The following LRRTM4 variants were observed in gnomAD, a reference collection of about 807,000 sequenced individuals.
LRRTM4 encodes leucine rich repeat transmembrane neuronal 4.
A neutral mutation model predicts 47.6 loss-of-function variants in LRRTM4; 25 were observed. The ratio of observed to expected loss-of-function variants is 0.53; its 90% CI spans 0.38 to 0.73. The LOEUF (loss-of-function observed/expected upper bound fraction) is 0.73, where lower values mean the gene tolerates loss of function less well. Ranked by LOEUF, LRRTM4 falls within the 30% of genes least tolerant of loss-of-function variation. LRRTM4 has a pLI of 0.00. For missense variants in LRRTM4, 638 were observed against 713.4 expected (o/e 0.89, Z 1.20); for synonymous variants, 311 against 269.5 (o/e 1.15, Z -1.51).
chr2:77,335,146 G>A (rs1671114970), intron 3 of LRRTM4, among the ~76,000 whole-genome samples: 1 of 152,038 alleles, frequency 6.6e-6, no homozygotes, highest in Admixed American at 6.6e-5. Flanking sequence ...TTTTGTTATA[G>A]AATCTACCAA....
At chr2:77,216,966 G>A (rs1352533571) in intron 3 of LRRTM4, among the ~76,000 whole-genome samples, 2 of 151,622 alleles carry the variant, frequency 1.3e-5, no homozygotes, top group African/African-American at 4.8e-5. Flanking sequence ...CCAGCTACTC[G>A]GGAGGCTGAG....
intron 3 of LRRTM4, among the ~76,000 whole-genome samples, chr2:77,289,278 G>GT (rs932924660): frequency 1.3e-5 from 2 of 151,872 alleles, no homozygotes; most frequent in Non-Finnish European, 2.9e-5. Context: ...CAGAATAGAG[G>GT]TTTTTTATTT....
At chr2:77,274,770 A>G (rs1460185512) in intron 3 of LRRTM4, among the ~76,000 whole-genome samples, 1 of 152,190 alleles carries the variant, frequency 6.6e-6, no homozygotes, top group Non-Finnish European at 1.5e-5. Flanking sequence ...AGACAGAGAT[A>G]AAAGGAACCA....
intron 3 of LRRTM4, among the ~76,000 whole-genome samples, chr2:77,506,797 C>T (rs567860205): frequency 6.6e-5 from 10 of 151,870 alleles, no homozygotes; most frequent in South Asian, 2.1e-4. Context: ...AATGAACCAT[C>T]GCAAATGTCC....
intron 3 of LRRTM4, among the ~76,000 whole-genome samples, chr2:77,035,566 C>T (rs1384020828): frequency 3.3e-5 from 5 of 151,250 alleles, no homozygotes; most frequent in Admixed American, 1.3e-4. Context: ...TAACATAAAC[C>T]CAAGAAACAA....
At chr2:76,840,295 G>A (rs1044790843) in intron 3 of LRRTM4, among the ~76,000 whole-genome samples, 1 of 152,182 alleles carries the variant, frequency 6.6e-6, no homozygotes, top group Non-Finnish European at 1.5e-5. Flanking sequence ...AGTTTCAAAT[G>A]TATCTCCACA....
At chr2:76,857,528 C>T (rs1278702687) in intron 3 of LRRTM4, among the ~76,000 whole-genome samples, 2 of 151,834 alleles carry the variant, frequency 1.3e-5, no homozygotes, top group Non-Finnish European at 2.9e-5. Context: ...AGGGAATTGA[C>T]AACACTAACC....
chr2:76,754,399 T>C (rs1320543140), intron 3 of LRRTM4, among the ~76,000 whole-genome samples: 1 of 152,050 alleles, frequency 6.6e-6, no homozygotes, highest in Non-Finnish European at 1.5e-5. Context: ...TTTAATTGGC[T>C]CATAGAATAC....
At chr2:77,007,897 CT>C (rs1322479313) in intron 3 of LRRTM4, among the ~76,000 whole-genome samples, 1 of 152,130 alleles carries the variant, frequency 6.6e-6, no homozygotes. Context: ...TGATTTTGTC[CT>C]ATATCCAAGA....
chr2:77,345,851 TAC>T (rs1491315620), intron 3 of LRRTM4, among the ~76,000 whole-genome samples: 1 of 151,678 alleles, frequency 6.6e-6, no homozygotes, highest in Non-Finnish European at 1.5e-5. Flanking sequence ...TATATATATA[TAC>T]ACAGACACAC....
chr2:76,830,874 T>C (rs1671331449), intron 3 of LRRTM4, among the ~76,000 whole-genome samples: 1 of 152,068 alleles, frequency 6.6e-6, no homozygotes, highest in South Asian at 2.1e-4. Context: ...AAAATAGCTG[T>C]TATTATTTAT....
At chr2:77,220,905 A>T (rs1674604572) in intron 3 of LRRTM4, among the ~76,000 whole-genome samples, 1 of 152,212 alleles carries the variant, frequency 6.6e-6, no homozygotes. Flanking sequence ...CCTAATTGTC[A>T]GATTCACCAA....
intron 3 of LRRTM4, among the ~76,000 whole-genome samples, chr2:76,954,023 G>C (rs1346339584): frequency 6.6e-6 from 1 of 151,824 alleles, no homozygotes; most frequent in African/African-American, 2.4e-5. Flanking sequence ...CTGGAGAAAA[G>C]ACCACATGTA....
chr2:77,418,588 A>G, intron 3 of LRRTM4, among the ~76,000 whole-genome samples: 1 of 152,114 alleles, frequency 6.6e-6, no homozygotes, highest in South Asian at 2.1e-4. Flanking sequence ...TCTTAGGCCT[A>G]TTTGGCCCTT....
chr2:76,905,755 G>C (rs1240202801), intron 3 of LRRTM4, among the ~76,000 whole-genome samples: 1 of 151,584 alleles, frequency 6.6e-6, no homozygotes, highest in Non-Finnish European at 1.5e-5. Context: ...AGTGATGGAA[G>C]ATGAAATGAA....
intron 3 of LRRTM4, among the ~76,000 whole-genome samples, chr2:77,489,022 T>A (rs965580615): frequency 1.3e-5 from 2 of 151,020 alleles, no homozygotes; most frequent in African/African-American, 4.9e-5. Context: ...AATAAGAGAC[T>A]ACCTATGAAA....
At chr2:76,808,941 C>G (rs1241047913) in intron 3 of LRRTM4, among the ~76,000 whole-genome samples, 1 of 152,104 alleles carries the variant, frequency 6.6e-6, no homozygotes, top group Admixed American at 6.6e-5. Context: ...TATATCATAT[C>G]TCTGTCCTCC....
At chr2:77,166,091 A>G (rs1158251143) in intron 3 of LRRTM4, among the ~76,000 whole-genome samples, 1 of 152,216 alleles carries the variant, frequency 6.6e-6, no homozygotes, top group African/African-American at 2.4e-5. Flanking sequence ...TCTTAAGCTG[A>G]TAAGCAACTT....
chr2:77,497,509 C>T (rs955413767), intron 3 of LRRTM4, among the ~76,000 whole-genome samples: 3 of 151,080 alleles, frequency 2.0e-5, no homozygotes, highest in African/African-American at 4.9e-5. Flanking sequence ...AATCTTCTTC[C>T]ACATCTCCCT....
Sources: gnomAD v4.1 joint callset for allele counts (sites outside exome capture counted in the v4.1 genomes callset) on GRCh38, gnomAD v4.1.1 for gene constraint, MANE v1.5 for transcripts, NCBI Gene and HGNC (gene_info 2026-07-23, HGNC 2026-07-21) for gene names.